Variants in SHISA6 observed in about 807,000 individuals in gnomAD.
SHISA6 encodes the protein shisa family member 6.
Under a neutral mutation model 47.9 loss-of-function variants are expected in SHISA6, and 22 were observed. The observed-to-expected ratio is 0.46, with a 90% CI of 0.33 to 0.66. The LOEUF is 0.66. SHISA6 is among the 30% of genes least tolerant of loss of function. SHISA6 has a pLI of 0.02. For missense variants in SHISA6, 680 were observed against 764.6 expected, an observed-to-expected ratio of 0.89 and a Z score of 1.30; for synonymous variants, 388 against 337.8, an observed-to-expected ratio of 1.15 and a Z score of -1.63.
At chr17:11,514,177 C>G (rs2071563708) in intron 3 of SHISA6, among the ~76,000 whole-genome samples, 1 of 152,130 alleles carries the variant, frequency 6.6e-6, no homozygotes, top group African/African-American at 2.4e-5. Flanking sequence ...GATCACAGTT[C>G]CAGGCAGAAC....
intron 2 of SHISA6, among the ~76,000 whole-genome samples, chr17:11,270,465 A>T (rs1293797067): frequency 6.6e-6 from 1 of 152,174 alleles, no homozygotes; most frequent in Non-Finnish European, 1.5e-5. Flanking sequence ...CCAAAGACCA[A>T]ATTGCCCCTT....
intron 3 of SHISA6, among the ~76,000 whole-genome samples, chr17:11,490,609 G>A (rs2142337652): frequency 6.6e-6 from 1 of 152,230 alleles, no homozygotes; most frequent in Middle Eastern, 3.4e-3. Flanking sequence ...CTACGTTCTG[G>A]AGAAGTGCAG....
chr17:11,317,223 G>A (rs1432572997), intron 2 of SHISA6, among the ~76,000 whole-genome samples: 1 of 151,980 alleles, frequency 6.6e-6, no homozygotes, highest in East Asian at 1.9e-4. Context: ...TTGTAGTTTT[G>A]TCAAACTCTC....
intron 2 of SHISA6, among the ~76,000 whole-genome samples, chr17:11,350,174 A>ATTTTT (rs1310542458): frequency 7.4e-4 from 74 of 100,386 alleles, no homozygotes; most frequent in African/African-American, 2.9e-3. Flanking sequence ...TTATTTATTT[A>ATTTTT]TTTATTTATT....
At chr17:11,486,232 T>C (rs527961693) in intron 3 of SHISA6, among the ~76,000 whole-genome samples, 5 of 152,212 alleles carry the variant, frequency 3.3e-5, no homozygotes, top group East Asian at 1.9e-4. Context: ...CCTGAAAGAG[T>C]TGGGGCCTTG....
At chr17:11,542,805 C>G (rs2071845102) in intron 3 of SHISA6, among the ~76,000 whole-genome samples, 1 of 152,166 alleles carries the variant, frequency 6.6e-6, no homozygotes, top group Non-Finnish European at 1.5e-5. Context: ...GTGAAGACCA[C>G]CTTATTCTCA....
At chr17:11,282,181 C>G (rs1182049851) in intron 2 of SHISA6, among the ~76,000 whole-genome samples, 2 of 152,200 alleles carry the variant, frequency 1.3e-5, no homozygotes, top group Non-Finnish European at 2.9e-5. Context: ...GGTCCCCAAA[C>G]TTAACCTAAG....
rs566582006 is a variant in SHISA6, at chr17:11,335,861, C to T, written c.800-43553C>T. Among the ~76,000 whole-genome samples, 40 of 152,196 alleles carry T rather than the reference C, an allele frequency of 2.6e-4. 1 individual carries two copies. Among genetic ancestry groups the T allele is most frequent in the Non-Finnish European group, 5.3e-4 (36 of 68,028 alleles). On this transcript the variant is annotated intron_variant, in intron 2 of 5. Transcript: ENST00000441885. The stretch of plus-strand genomic sequence containing the variant: ...TTGCAATAAAGTTTATTTCATAACA[C>T]GCTTAGTGGTTCAAATGACATATGC...
chr17:11,378,121 A>G (rs1912873937), intron 2 of SHISA6, among the ~76,000 whole-genome samples: 1 of 152,214 alleles, frequency 6.6e-6, no homozygotes, highest in African/African-American at 2.4e-5. Context: ...TGGCATTACA[A>G]AAAATCACGC....
At chr17:11,480,609 G>T (rs1443910317) in intron 3 of SHISA6, among the ~76,000 whole-genome samples, 1 of 152,046 alleles carries the variant, frequency 6.6e-6, no homozygotes, top group Non-Finnish European at 1.5e-5. Context: ...TCCCCACATG[G>T]GTTCCAAGAA....
intron 2 of SHISA6, among the ~76,000 whole-genome samples, chr17:11,313,318 C>A (rs1013233322): frequency 6.6e-6 from 1 of 152,096 alleles, no homozygotes; most frequent in African/African-American, 2.4e-5. Context: ...TTAAATACCA[C>A]TTATATGTCT....
At chr17:11,335,889 G>T (rs1158118827) in intron 2 of SHISA6, among the ~76,000 whole-genome samples, 3 of 152,088 alleles carry the variant, frequency 2.0e-5, no homozygotes. Flanking sequence ...ACATATGCGA[G>T]TTATGCCTTA....
At chr17:11,313,141 A>C (rs1910392562) in intron 2 of SHISA6, among the ~76,000 whole-genome samples, 1 of 152,228 alleles carries the variant, frequency 6.6e-6, no homozygotes, top group African/African-American at 2.4e-5. Context: ...CAAAAAGCTG[A>C]ATTGCCTCTA....
chr17:11,380,910 C>T (rs1313526779), intron 3 of SHISA6, among the ~76,000 whole-genome samples: 1 of 152,160 alleles, frequency 6.6e-6, no homozygotes, highest in Admixed American at 6.5e-5. Context: ...TGAGTGTCTT[C>T]ACTGCATGGT....
At chr17:11,520,145 T>C (rs969058321) in intron 3 of SHISA6, among the ~76,000 whole-genome samples, 3 of 152,194 alleles carry the variant, frequency 2.0e-5, no homozygotes, top group Middle Eastern at 3.2e-3. Flanking sequence ...TCCAGAATCA[T>C]AAATTCTACT....
chr17:11,539,499 G>A (rs906167773), intron 3 of SHISA6, among the ~76,000 whole-genome samples: 4 of 152,204 alleles, frequency 2.6e-5, no homozygotes, highest in African/African-American at 9.7e-5. Flanking sequence ...TCCACACAGT[G>A]TATTTGTACC....
intron 3 of SHISA6, among the ~76,000 whole-genome samples, chr17:11,456,074 G>A (rs939071123): frequency 3.3e-5 from 5 of 152,094 alleles, no homozygotes; most frequent in African/African-American, 7.2e-5. Flanking sequence ...TAAACCCATC[G>A]CTTTACCTTT....
At chr17:11,350,182 A>ATTTTTTTTTTTTTT (rs778331945) in intron 2 of SHISA6, among the ~76,000 whole-genome samples, 110 of 116,226 alleles carry the variant, frequency 9.5e-4, no homozygotes, top group East Asian at 6.6e-3. Context: ...TTATTTATTT[A>ATTTTTTTTTTTTTT]TTTTTTTTTT....
rs1427353355 is a variant in SHISA6, at chr17:11,285,680, G to A, written c.799+22154G>A. 5.3e-5 allele frequency among the ~76,000 whole-genome samples: 8 copies of A among 152,142 alleles called. 1 individual carries two copies. The South Asian group carries it at 1.7e-3, about 31-fold the overall frequency. ...CAGACTATGCGCCCATGCTGCAGAG[G>A]TCTGTGTTTACTATGAAAACCTGTG... is the stretch of plus-strand genomic sequence containing the variant. On this transcript the variant is annotated intron_variant, in intron 2 of 5. Transcript: ENST00000441885.
Sources: allele counts gnomAD v4.1 joint callset (sites outside exome capture counted in the v4.1 genomes callset), GRCh38; gene constraint gnomAD v4.1.1; transcripts MANE v1.5; gene names NCBI Gene and HGNC (gene_info 2026-07-23, HGNC 2026-07-21).